Variants in MEAK7 observed in about 807,000 individuals in gnomAD.
The protein encoded by MEAK7 is MTOR-associated protein MEAK7.
MEAK7 carries 68 observed loss-of-function variants against 40.5 expected under a neutral mutation model. That is an observed-to-expected ratio of 1.68 (90% CI 1.38 to 2.06). MEAK7 has a LOEUF of 2.06. MEAK7 is among the 30% of genes most tolerant of loss of function. The pLI, the probability that MEAK7 is intolerant of heterozygous loss-of-function variation, is 0.00. For synonymous variants in MEAK7, 338 were observed against 231.9 expected (o/e 1.46, Z -4.16); for missense variants, 918 against 580.5 (o/e 1.58, Z -5.98).
At chr16:84,480,403 C>T in intron 7 of MEAK7, 126 bp downstream of exon 7, 7 of 1,160,322 alleles carry the variant, frequency 6.0e-6, no homozygotes, top group Non-Finnish European at 7.1e-6. Context: ...CCAGCATCAG[C>T]TACCAGGATC....
intron 4 of MEAK7, chr16:84,487,904 G>C (rs559084046): frequency 1.3e-4 from 20 of 152,342 alleles, no homozygotes; most frequent in African/African-American, 4.6e-4. Context: ...GAACAGAGGA[G>C]CTTTTACGTC....
At position 84,477,477 on chromosome 16, in the gene MEAK7, CA is replaced by C. The variant is rs1370983667; in HGVS notation, c.*2435del. The C allele has an allele frequency of 6.6e-6, 1 of 152,114 alleles. No individual in the cohort carries two copies. The highest frequency in any genetic ancestry group is 1.9e-4 in the East Asian group (1 of 5,196). The allele number at this position is 152,114 out of a possible 1,614,324, so 9.4% of individuals were successfully genotyped here. ...AAGTGCTGGGATTACAGGCGTGAGC[CA>C]CCGCACCCGGCCCCAGACTTTTTTT... On this transcript the variant is annotated 3_prime_UTR_variant, in exon 8 of 8. Coordinates refer to ENST00000343629, the MANE Select transcript of MEAK7 (RefSeq NM_020947.4).
chr16:84,489,181 T>A, intron 4 of MEAK7, 97 bp downstream of exon 4: 1 of 1,430,840 alleles, frequency 7.0e-7, no homozygotes, highest in Non-Finnish European at 9.2e-7. Context: ...GCTCACGCAT[T>A]CTGGTTTCAA....
chr16:84,486,372 G>C, intron 5 of MEAK7: 1 of 1,122,332 alleles, frequency 8.9e-7, no homozygotes, highest in Non-Finnish European at 1.1e-6. Flanking sequence ...CTTCTCCCAC[G>C]CCCCATAGAC....
At chr16:84,486,450 A>G in intron 5 of MEAK7, 181 bp downstream of exon 5, 2 of 1,404,724 alleles carry the variant, frequency 1.4e-6, no homozygotes, top group Non-Finnish European at 1.8e-6. Flanking sequence ...CCTGTCCTGA[A>G]GAACTCTGAT....
chr16:84,486,697 C>A lies in MEAK7; in HGVS notation c.892G>T (p.Asp298Tyr). ...CCACCGAACACATGCTTGTCATGGT[C>A]CTCGAGGACAGCCACACAGGGTCCC... ...HRGPCVAVLE[D>Y]HDKHVFGGFA... Residue 298 changes from aspartate (D) to tyrosine (Y), a missense_variant, in exon 5 of 8, where the codon GAC (aspartate) becomes TAC (tyrosine). Asp to Tyr is a radical substitution (Grantham distance 160). Coordinates refer to ENST00000343629, the MANE Select transcript of MEAK7 (RefSeq NM_020947.4). 6.2e-7 allele frequency: 1 copy of A among 1,614,138 alleles called. No individual in the cohort carries two copies. The highest frequency in any genetic ancestry group is 8.5e-7 in the Non-Finnish European group (1 of 1,180,022).
At chr16:84,500,410 G>C (rs1914401439) in intron 1 of MEAK7, among the ~76,000 whole-genome samples, 1 of 152,180 alleles carries the variant, frequency 6.6e-6, no homozygotes, top group South Asian at 2.1e-4. Flanking sequence ...CATCAGTAAA[G>C]CATGAGCTTC....
At chr16:84,495,570 C>G (rs1913967492) in intron 3 of MEAK7, 113 bp downstream of exon 3, 1 of 965,060 alleles carries the variant, frequency 1.0e-6, no homozygotes, top group Non-Finnish European at 1.6e-6. Context: ...TGAAACCCAG[C>G]TCAAATACTT....
At position 84,495,893 on chromosome 16, in the gene MEAK7, A is replaced by C. The variant is rs1434100274; in HGVS notation, c.174T>G (p.Leu58=). The change falls in exon 3 of 8, where the codon CTT becomes CTG. Residue 58 remains leucine, a synonymous_variant. Coordinates refer to ENST00000343629, the MANE Select transcript of MEAK7 (RefSeq NM_020947.4). ...ACAGCCTGGTGACCATCTCTGGGGG[A>C]AGAGCTTCCCCGACGTGGTTCTGCC... ...KALQNHVGEA[L]PPEMVTRLYD... 2 of 1,613,760 alleles carry C rather than the reference A, an allele frequency of 1.2e-6. No individual in the cohort carries two copies. Among genetic ancestry groups the C allele is most frequent in the African/African-American group, 2.7e-5 (2 of 74,778 alleles).
chr16:84,483,396 C>A (rs966093526), intron 5 of MEAK7, among the ~76,000 whole-genome samples: 11 of 152,258 alleles, frequency 7.2e-5, no homozygotes, highest in African/African-American at 2.2e-4. Flanking sequence ...CAGCGAGGGA[C>A]ACTTCCCACC....
At chr16:84,481,272 T>C (rs1207981219) in intron 6 of MEAK7, among the ~76,000 whole-genome samples, 2 of 152,172 alleles carry the variant, frequency 1.3e-5, no homozygotes, top group African/African-American at 4.8e-5. Context: ...CTGTTCAATC[T>C]CACCCTGCAG....
intron 3 of MEAK7, among the ~76,000 whole-genome samples, chr16:84,493,751 G>C (rs765778771): frequency 6.6e-6 from 1 of 152,136 alleles, no homozygotes; most frequent in South Asian, 2.1e-4. Flanking sequence ...GACATAATTG[G>C]AAACACTGGT....
chr16:84,483,657 G>A (rs389626), intron 5 of MEAK7, among the ~76,000 whole-genome samples: 62,771 of 152,056 alleles, frequency 0.41, 13,447 homozygotes, highest in South Asian at 0.58. Context: ...TCAGTCTGTA[G>A]AGTGTGGGCT....
At position 84,498,045 on chromosome 16, in the gene MEAK7, T is replaced by G; in HGVS notation, c.42A>C (p.Ser14=). The G allele has an allele frequency of 6.2e-7, 1 of 1,613,962 alleles. No individual in the cohort carries two copies. The highest frequency in any genetic ancestry group is 8.5e-7 in the Non-Finnish European group (1 of 1,179,902). ...CTGCCTGTTCCTCAGGAAGAAACTG[T>G]GAACAAAAGCTCCGCCCCACACGGC... ...SRSRVGRSFC[S]QFLPEEQAEI... Residue 14 remains serine, a synonymous_variant, in exon 2 of 8, where the codon TCA becomes TCC. Transcript: ENST00000343629.
intron 4 of MEAK7, chr16:84,487,284 A>G (rs1233528130): frequency 1.9e-6 from 1 of 528,772 alleles, no homozygotes; most frequent in Non-Finnish European, 3.3e-6. Context: ...TTAAATATTC[A>G]TTACATTTCA....
chr16:84,490,131 C>G (rs968161343), intron 3 of MEAK7, among the ~76,000 whole-genome samples: 7 of 152,184 alleles, frequency 4.6e-5, no homozygotes, highest in African/African-American at 1.7e-4. Context: ...TTTTGCTGAA[C>G]TGTTTTTATT....
At position 84,478,261 on chromosome 16, in the gene MEAK7, A is replaced by C. The variant is rs1912211131; in HGVS notation, c.*1652T>G. Reference sequence around the variant, plus strand: ...ATAAGCCATTACAAACTGGCTAAGGAAAATCAGTCATGACTAAGTCCTTGT... The same window carrying C: ...ATAAGCCATTACAAACTGGCTAAGGCAAATCAGTCATGACTAAGTCCTTGT... On this transcript the variant is annotated 3_prime_UTR_variant, in exon 8 of 8. Transcript: ENST00000343629. 1 of 152,204 alleles carries C rather than the reference A, an allele frequency of 6.6e-6. No individual in the cohort carries two copies. Among genetic ancestry groups the C allele is most frequent in the African/African-American group, 2.4e-5 (1 of 41,458 alleles). The allele number at this position is 152,204 out of a possible 1,614,324, so 9.4% of individuals were successfully genotyped here.
chr16:84,489,421 A>C lies in MEAK7; in HGVS notation c.386T>G (p.Phe129Cys), dbSNP rs1319149669. The C allele has an allele frequency of 6.2e-7, 1 of 1,608,628 alleles. No homozygotes were observed. The highest frequency in any genetic ancestry group is 1.7e-5 in the Admixed American group (1 of 59,198). ...GPVKAREVQK[F>C]TEDLVGSVVH... ...CACAGAGCCAACCAGATCCTCTGTAAACTGTAAGATCACAATTTTACCATT... is the reference window on the plus strand; with the variant it reads ...CACAGAGCCAACCAGATCCTCTGTACACTGTAAGATCACAATTTTACCATT... The change falls in exon 4 of 8, where the codon TTT becomes TGT. Residue 129 changes from phenylalanine (F) to cysteine (C), a missense_variant and splice_region_variant. By Grantham distance (205) the Phe-to-Cys change is radical (BLOSUM62 -2). Coordinates refer to ENST00000343629, the MANE Select transcript of MEAK7 (RefSeq NM_020947.4).
intron 3 of MEAK7, among the ~76,000 whole-genome samples, chr16:84,489,995 G>T (rs529441097): frequency 6.6e-6 from 1 of 151,990 alleles, no homozygotes; most frequent in Non-Finnish European, 1.5e-5. Flanking sequence ...GATGAATTGG[G>T]GTTTTGTCTT....
Sources: gnomAD v4.1 joint callset for allele counts (sites outside exome capture counted in the v4.1 genomes callset) on GRCh38, gnomAD v4.1.1 for gene constraint, MANE v1.5 for transcripts, NCBI Gene and HGNC (gene_info 2026-07-23, HGNC 2026-07-21) for gene names.